GPHN: variants seen among roughly 807,000 people sequenced by gnomAD.
The protein encoded by GPHN is gephyrin.
GPHN carries 17 observed loss-of-function variants against 95.5 expected under a neutral mutation model. The ratio of observed to expected loss-of-function variants is 0.18; its 90% confidence interval spans 0.12 to 0.27. The LOEUF (loss-of-function observed/expected upper bound fraction) is 0.27, where lower values mean the gene tolerates loss of function less well. Ranked by LOEUF, GPHN falls within the 10% of genes least tolerant of loss-of-function variation. The pLI is 1.00. For synonymous variants in GPHN, 320 were observed against 322.5 expected (o/e 0.99, Z 0.08); for missense variants, 660 against 978.1 (o/e 0.67, Z 4.34).
the GPHN span, among the ~76,000 whole-genome samples, chr14:67,430,757 C>T: frequency 1.3e-5 from 2 of 152,062 alleles, no homozygotes; most frequent in East Asian, 3.9e-4. Flanking sequence ...CTTTGGAGGG[C>T]CTGCTCATCA....
the GPHN span, among the ~76,000 whole-genome samples, chr14:67,230,497 A>G: frequency 0.16 from 23,777 of 152,042 alleles, 3,514 homozygotes; most frequent in East Asian, 0.42. Context: ...GCTTGAGCTC[A>G]GGAGGTCGAG....
chr14:67,205,264 T>A, the GPHN span, among the ~76,000 whole-genome samples: 1 of 152,140 alleles, frequency 6.6e-6, no homozygotes, highest in African/African-American at 2.4e-5. Flanking sequence ...AAAGGAGTTG[T>A]AAGATGTCTC....
At chr14:67,000,906 T>G (rs542799020) in intron 9 of GPHN, among the ~76,000 whole-genome samples, 3 of 151,794 alleles carry the variant, frequency 2.0e-5, no homozygotes, top group Non-Finnish European at 4.4e-5. Flanking sequence ...CATACATTTT[T>G]AAATTTCCAT....
intron 8 of GPHN, among the ~76,000 whole-genome samples, chr14:66,936,619 T>C (rs954925674): frequency 6.6e-6 from 1 of 152,224 alleles, no homozygotes; most frequent in Non-Finnish European, 1.5e-5. Context: ...TGTTAAAAGA[T>C]AGTTTTATAA....
chr14:66,677,097 G>A (rs570700016), intron 1 of GPHN, among the ~76,000 whole-genome samples: 1 of 151,900 alleles, frequency 6.6e-6, no homozygotes, highest in South Asian at 2.1e-4. Context: ...ATAATTTCTA[G>A]TGGTCCTTTG....
intron 9 of GPHN, among the ~76,000 whole-genome samples, chr14:66,994,172 C>T (rs1198593334): frequency 6.6e-6 from 1 of 151,990 alleles, no homozygotes; most frequent in African/African-American, 2.4e-5. Context: ...TCAAGACCAG[C>T]CTGGCCAACA....
chr14:66,703,983 GAAAA>G (rs1415993733), intron 2 of GPHN, among the ~76,000 whole-genome samples: 3 of 135,992 alleles, frequency 2.2e-5, no homozygotes, highest in East Asian at 2.1e-4. Flanking sequence ...AAGAAAGAAA[GAAAA>G]AAAGAAAAAA....
At chr14:66,796,437 C>T (rs2060159294) in intron 3 of GPHN, among the ~76,000 whole-genome samples, 1 of 151,876 alleles carries the variant, frequency 6.6e-6, no homozygotes, top group Non-Finnish European at 1.5e-5. Flanking sequence ...CCAAACTATT[C>T]TTCATAGAGT....
chr14:66,943,577 C>G (rs2067552974), intron 8 of GPHN, among the ~76,000 whole-genome samples: 1 of 152,174 alleles, frequency 6.6e-6, no homozygotes, highest in African/African-American at 2.4e-5. Context: ...ATGACATCTG[C>G]TTTTTACCAA....
the GPHN span, among the ~76,000 whole-genome samples, chr14:67,511,308 TA>T: frequency 7.2e-5 from 11 of 152,082 alleles, no homozygotes; most frequent in African/African-American, 2.7e-4. Context: ...TCATATTTAT[TA>T]GCTCTCCCTA....
At chr14:66,746,821 G>A (rs939197338) in intron 2 of GPHN, among the ~76,000 whole-genome samples, 5 of 152,142 alleles carry the variant, frequency 3.3e-5, no homozygotes, top group African/African-American at 1.2e-4. Flanking sequence ...GTTTGGTGCT[G>A]CCCTTTTGGC....
intron 1 of GPHN, among the ~76,000 whole-genome samples, chr14:66,612,136 CA>C (rs1436438696): frequency 6.6e-6 from 1 of 152,000 alleles, no homozygotes; most frequent in Admixed American, 6.6e-5. Flanking sequence ...GGCCTTTCTT[CA>C]GTTTTGCATG....
At chr14:66,921,710 T>A (rs1381998923) in intron 6 of GPHN, among the ~76,000 whole-genome samples, 1 of 152,054 alleles carries the variant, frequency 6.6e-6, no homozygotes, top group Non-Finnish European at 1.5e-5. Context: ...AGAAAAACAA[T>A]TCTGAAATTC....
the GPHN span, among the ~76,000 whole-genome samples, chr14:67,225,926 A>AGTGTGTGTGTGT: frequency 0.049 from 6,670 of 136,540 alleles, 249 homozygotes; most frequent in Admixed American, 0.066. Context: ...TAATGCTGTG[A>AGTGTGTGTGTGT]GTGTGTGTGT....
the GPHN span, among the ~76,000 whole-genome samples, chr14:67,637,719 A>G: frequency 1.2e-3 from 187 of 152,320 alleles, no homozygotes; most frequent in African/African-American, 4.4e-3. Context: ...CAGTTATGTA[A>G]TTAACTAGAA....
At chr14:67,711,144 G>A in the GPHN span, among the ~76,000 whole-genome samples, 1 of 152,120 alleles carries the variant, frequency 6.6e-6, no homozygotes, top group African/African-American at 2.4e-5. Flanking sequence ...ACCACCTAAA[G>A]CCACAAAATT....
chr14:67,172,893 C>T (rs927212347), intron 21 of GPHN, among the ~76,000 whole-genome samples: 12 of 152,302 alleles, frequency 7.9e-5, no homozygotes, highest in African/African-American at 2.9e-4. Context: ...CATGCTGCCT[C>T]ATCCCCTGGG....
At chr14:67,682,963 A>G in the GPHN span, among the ~76,000 whole-genome samples, 1 of 152,366 alleles carries the variant, frequency 6.6e-6, no homozygotes, top group South Asian at 2.1e-4. Context: ...TAAGCTGAGT[A>G]AAAGAAGTCA....
intron 6 of GPHN, among the ~76,000 whole-genome samples, chr14:66,922,120 A>C (rs185626195): frequency 6.6e-6 from 1 of 152,240 alleles, no homozygotes; most frequent in Admixed American, 6.5e-5. Flanking sequence ...AGAAGATAAC[A>C]TTGGAAAAAC....
Sources: allele counts gnomAD v4.1 joint callset (sites outside exome capture counted in the v4.1 genomes callset), GRCh38; gene constraint gnomAD v4.1.1; transcripts MANE v1.5; gene names NCBI Gene and HGNC (gene_info 2026-07-23, HGNC 2026-07-21).